NRG1: variants seen among roughly 807,000 people sequenced by gnomAD.
The protein encoded by NRG1 is pro-neuregulin-1, membrane-bound isoform.
In NRG1, 18 loss-of-function variants were observed where a neutral mutation model predicts 63.8. The observed-to-expected ratio is 0.28, with a 90% confidence interval of 0.19 to 0.42. The LOEUF (loss-of-function observed/expected upper bound fraction) is 0.42, where lower values mean the gene tolerates loss of function less well. Among genes scored for constraint, NRG1 ranks in the 10% least tolerant of loss-of-function variants. The pLI is 1.00. For missense variants in NRG1, 762 were observed against 814.7 expected, an observed-to-expected ratio of 0.94 and a Z score of 0.79; for synonymous variants, 302 against 301.3, an observed-to-expected ratio of 1.00 and a Z score of -0.02.
chr8:32,612,203 G>T (rs569267045), intron 3 of NRG1, among the ~76,000 whole-genome samples: 1 of 152,122 alleles, frequency 6.6e-6, no homozygotes, highest in Non-Finnish European at 1.5e-5. Flanking sequence ...CATAAAGATT[G>T]CAGGATTTAA....
At chr8:32,169,749 A>C (rs1334977034) in intron 1 of NRG1, among the ~76,000 whole-genome samples, 2 of 152,196 alleles carry the variant, frequency 1.3e-5, no homozygotes, top group African/African-American at 2.4e-5. Flanking sequence ...AAACACACAA[A>C]CTATGGGTAA....
intron 1 of NRG1, among the ~76,000 whole-genome samples, chr8:32,000,363 C>T (rs752951112): frequency 2.0e-5 from 3 of 151,880 alleles, no homozygotes; most frequent in Non-Finnish European, 2.9e-5. Context: ...TCAACATCTT[C>T]ACCTTGTTCT....
At chr8:32,100,400 G>C (rs1302339560) in intron 1 of NRG1, among the ~76,000 whole-genome samples, 1 of 152,104 alleles carries the variant, frequency 6.6e-6, no homozygotes, top group Non-Finnish European at 1.5e-5. Context: ...TATAAACCTT[G>C]TTACTGATGA....
At chr8:32,171,786 G>A (rs556441877) in intron 1 of NRG1, among the ~76,000 whole-genome samples, 2 of 152,278 alleles carry the variant, frequency 1.3e-5, no homozygotes, top group African/African-American at 4.8e-5. Flanking sequence ...CCAGGCGGCA[G>A]TGAGGCTGGG....
At chr8:32,516,235 TGG>T (rs1423470091) in intron 1 of NRG1, among the ~76,000 whole-genome samples, 3 of 152,178 alleles carry the variant, frequency 2.0e-5, no homozygotes, top group Non-Finnish European at 4.4e-5. Context: ...GCTTTATTTC[TGG>T]GTTCTTTATT....
intron 1 of NRG1, among the ~76,000 whole-genome samples, chr8:32,233,989 T>C (rs1439727067): frequency 6.6e-6 from 1 of 152,198 alleles, no homozygotes; most frequent in African/African-American, 2.4e-5. Flanking sequence ...TTTATTTCAG[T>C]GGCTTAGTTT....
chr8:31,867,828 A>C (rs1829097416), intron 1 of NRG1, among the ~76,000 whole-genome samples: 1 of 152,138 alleles, frequency 6.6e-6, no homozygotes, highest in African/African-American at 2.4e-5. Context: ...GACCTTAGAT[A>C]AATTAGGGAA....
At chr8:31,918,902 G>A (rs927786038) in intron 1 of NRG1, among the ~76,000 whole-genome samples, 4 of 152,130 alleles carry the variant, frequency 2.6e-5, no homozygotes, top group African/African-American at 9.7e-5. Context: ...TGTATTCAGA[G>A]ATTCAACTTC....
intron 1 of NRG1, among the ~76,000 whole-genome samples, chr8:32,057,973 A>T (rs1823234384): frequency 6.6e-6 from 1 of 152,084 alleles, no homozygotes; most frequent in African/African-American, 2.4e-5. Context: ...TTCTATCTCA[A>T]AATAGCTAAA....
intron 1 of NRG1, among the ~76,000 whole-genome samples, chr8:31,847,402 C>T (rs1035966876): frequency 2.0e-5 from 3 of 152,242 alleles, no homozygotes; most frequent in East Asian, 1.9e-4. Context: ...TCAGGGTGTT[C>T]GGATGAGCTA....
chr8:32,151,087 A>T (rs760969490), intron 1 of NRG1, among the ~76,000 whole-genome samples: 2 of 152,314 alleles, frequency 1.3e-5, no homozygotes, highest in Admixed American at 6.5e-5. Flanking sequence ...ATGAAATGGA[A>T]TGTATATCAA....
At chr8:31,840,484 C>T (rs958757625) in intron 1 of NRG1, among the ~76,000 whole-genome samples, 1 of 151,588 alleles carries the variant, frequency 6.6e-6, no homozygotes, top group African/African-American at 2.4e-5. Context: ...CTGGACCCTG[C>T]CTTTGTCTCT....
chr8:32,312,153 G>GTTTTTTTTTTT (rs767575805), intron 1 of NRG1, among the ~76,000 whole-genome samples: 3 of 98,204 alleles, frequency 3.1e-5, no homozygotes, highest in Admixed American at 1.2e-4. Context: ...ATTTGACCTT[G>GTTTTTTTTTTT]TTTGTTTTTT....
intron 1 of NRG1, among the ~76,000 whole-genome samples, chr8:32,141,376 C>T (rs1836228970): frequency 1.3e-5 from 2 of 151,692 alleles, no homozygotes; most frequent in South Asian, 2.1e-4. Context: ...AGTTAGTATT[C>T]CTAATAAAGA....
chr8:31,649,185 C>A (rs949671894), intron 1 of NRG1, among the ~76,000 whole-genome samples: 3 of 152,064 alleles, frequency 2.0e-5, no homozygotes, highest in African/African-American at 7.3e-5. Flanking sequence ...GAACTCCTGA[C>A]CTCAGGTGAT....
At chr8:32,686,480 G>A (rs1810150516) in intron 5 of NRG1, among the ~76,000 whole-genome samples, 1 of 152,222 alleles carries the variant, frequency 6.6e-6, no homozygotes, top group African/African-American at 2.4e-5. Context: ...CAGGGAGACA[G>A]GGCCGGTAGT....
Position 32,151,959 on chromosome 8 carries a change from C to T in NRG1, c.38-443869C>T, listed in dbSNP as rs185130701. Among the ~76,000 whole-genome samples the T allele has an allele frequency of 1.4e-4, 21 of 152,298 alleles. No individual in the cohort carries two copies. The East Asian group carries it at 3.9e-3, about 28-fold the overall frequency. ...GAGAGAGAAAAATGAAAATTCCTAG[C>T]CCCATCTAGACATGCCTTATCAGTG... On this transcript the variant is annotated intron_variant, in intron 1 of 10. Coordinates refer to the NRG1 transcript ENST00000519301.
At chr8:31,790,503 C>T (rs969496978) in intron 1 of NRG1, among the ~76,000 whole-genome samples, 1 of 152,090 alleles carries the variant, frequency 6.6e-6, no homozygotes, top group Non-Finnish European at 1.5e-5. Context: ...ATTGGTTAAC[C>T]CCTCTGGACA....
intron 1 of NRG1, among the ~76,000 whole-genome samples, chr8:31,786,491 A>G (rs1820186106): frequency 6.6e-6 from 1 of 152,176 alleles, no homozygotes; most frequent in African/African-American, 2.4e-5. Context: ...ACCTGGAGAT[A>G]CAGTCAGATC....
Sources: allele counts gnomAD v4.1 joint callset (sites outside exome capture counted in the v4.1 genomes callset), GRCh38; gene constraint gnomAD v4.1.1; transcripts MANE v1.5; gene names NCBI Gene and HGNC (gene_info 2026-07-23, HGNC 2026-07-21).